FANCA: variants seen among roughly 807,000 people sequenced by gnomAD.
FANCA encodes the protein FA complementation group A.
Under a neutral mutation model 194.3 loss-of-function variants are expected in FANCA, and 236 were observed. The observed-to-expected ratio is 1.21, with a 90% CI of 1.09 to 1.35. FANCA has a LOEUF of 1.35. Ranked by LOEUF, FANCA falls within the 40% of genes most tolerant of loss-of-function variation. The probability of loss-of-function intolerance (pLI) is 0.00; values close to 1 mark genes in which losing one functional copy is unlikely to be tolerated. For missense variants in FANCA, 2,628 were observed against 1,813.9 expected, an observed-to-expected ratio of 1.45 and a Z score of -8.15; for synonymous variants, 1,014 against 715.8, an observed-to-expected ratio of 1.42 and a Z score of -6.65.
At chr16:89,759,744 G>C (rs1035676129) in intron 29 of FANCA, among the ~76,000 whole-genome samples, 4 of 152,220 alleles carry the variant, frequency 2.6e-5, no homozygotes, top group African/African-American at 9.6e-5. Flanking sequence ...CTGGCCAACA[G>C]AGTGAGACCC....
At chr16:89,771,573 T>C in intron 23 of FANCA, 105 bp downstream of exon 23, 1 of 1,355,228 alleles carries the variant, frequency 7.4e-7, no homozygotes. Context: ...CGACACTAAC[T>C]GAGCAAGTCA....
At chr16:89,754,235 CAAAA>C (rs1381951910) in intron 30 of FANCA, among the ~76,000 whole-genome samples, 708 of 144,828 alleles carry the variant, frequency 4.9e-3, no homozygotes, top group Non-Finnish European at 7.6e-3. Context: ...AAAAAAAAAA[CAAAA>C]CAAAACAACA....
At chr16:89,762,708 C>T (rs1309673295) in intron 28 of FANCA, 2 of 444,862 alleles carry the variant, frequency 4.5e-6, no homozygotes, top group Admixed American at 4.8e-5. Flanking sequence ...TCGTAGCTCG[C>T]TGCAGACTCT....
intron 8 of FANCA, among the ~76,000 whole-genome samples, chr16:89,802,830 G>A (rs1006852062): frequency 6.6e-6 from 1 of 152,146 alleles, no homozygotes; most frequent in Admixed American, 6.6e-5. Context: ...ACAAATATGT[G>A]GGAGCTAAAA....
chr16:89,790,129 CGGT>C (rs1473750355), intron 14 of FANCA, among the ~76,000 whole-genome samples: 5 of 152,310 alleles, frequency 3.3e-5, no homozygotes, highest in South Asian at 2.1e-4. Context: ...AGGCTGGGCA[CGGT>C]GGCTCATGCC....
chr16:89,755,552 A>G (rs7195752), intron 30 of FANCA, among the ~76,000 whole-genome samples: 69,224 of 152,052 alleles, frequency 0.46, 17,847 homozygotes, highest in East Asian at 0.76. Context: ...CTAAAGAGCT[A>G]AACTAAAAAT....
At position 89,737,565 on chromosome 16, in the gene FANCA, C is replaced by G; in HGVS notation, c.*1036G>C. ...AATCTGTGGTTAAGGAAATAGCTTT[C>G]TGAGGTTTCTTTAAAAACCATCCTG... On this transcript the variant is annotated 3_prime_UTR_variant, in exon 43 of 43. Coordinates refer to ENST00000389301, the MANE Select transcript of FANCA (RefSeq NM_000135.4). The G allele has an allele frequency of 6.6e-6, 4 of 605,824 alleles. No individual in the cohort carries two copies. The South Asian group carries it at 9.7e-5, about 15-fold the overall frequency. 37.5% of individuals were successfully genotyped at this position (605,824 alleles called of 1,614,324 possible).
intron 20 of FANCA, among the ~76,000 whole-genome samples, chr16:89,778,131 C>CA (rs1294364684): frequency 4.4e-5 from 6 of 134,984 alleles, no homozygotes; most frequent in East Asian, 2.1e-4. Flanking sequence ...CACTGCACTC[C>CA]AGCCTGGGCA....
chr16:89,782,976 T>C (rs781259327), intron 16 of FANCA, 31 bp downstream of exon 16: 13 of 1,611,228 alleles, frequency 8.1e-6, no homozygotes, highest in Non-Finnish European at 1.0e-5. Flanking sequence ...CTGGGACAGG[T>C]GTGAGGAGTG....
intron 14 of FANCA, chr16:89,791,119 G>C (rs999225727): frequency 8.5e-6 from 4 of 472,734 alleles, no homozygotes; most frequent in African/African-American, 8.0e-5. Flanking sequence ...ACAGCAGGAG[G>C]CTCCGTCAAC....
Position 89,739,155 on chromosome 16 carries a change from C to G in FANCA, c.4145G>C (p.Arg1382Thr), listed in dbSNP as rs367970303. 16 of 1,614,160 alleles carry G rather than the reference C, an allele frequency of 9.9e-6. No individual in the cohort carries two copies. The highest frequency in any genetic ancestry group is 1.4e-5 in the Non-Finnish European group (16 of 1,180,038). Reference protein sequence around the residue: ...DTSTVSPPAGRSLELKGQGNP... With the variant: ...DTSTVSPPAGTSLELKGQGNP... The stretch of plus-strand genomic sequence containing the variant: ...TGCCTGACCCTTGAGCTCCAGGCTC[C>G]TGCCAGCTGGAGGTGAAACTGTGCT... The change falls in exon 41 of 43, where the codon AGG becomes ACG. Residue 1382 changes from arginine to threonine, a missense_variant. By Grantham distance (71) the Arg-to-Thr change is moderately conservative. Coordinates refer to ENST00000389301, the MANE Select transcript of FANCA (RefSeq NM_000135.4).
At chr16:89,793,096 T>C (rs1229709973) in intron 11 of FANCA, among the ~76,000 whole-genome samples, 2 of 152,140 alleles carry the variant, frequency 1.3e-5, no homozygotes, top group African/African-American at 2.4e-5. Context: ...TAACTGTGGG[T>C]GAGCCTGACT....
chr16:89,787,722 C>T (rs1156614083), intron 14 of FANCA, among the ~76,000 whole-genome samples: 2 of 151,930 alleles, frequency 1.3e-5, no homozygotes, highest in Non-Finnish European at 2.9e-5. Flanking sequence ...GGAGACAGAA[C>T]AGAGACCTTG....
At chr16:89,789,182 C>A (rs1413787211) in intron 14 of FANCA, among the ~76,000 whole-genome samples, 1 of 151,874 alleles carries the variant, frequency 6.6e-6, no homozygotes, top group Non-Finnish European at 1.5e-5. Context: ...AGCCTGAGGG[C>A]AGGTGAGAAG....
intron 5 of FANCA, 122 bp from the exon 6 acceptor site, chr16:89,808,489 A>C: frequency 1.0e-6 from 1 of 989,678 alleles, no homozygotes; most frequent in Non-Finnish European, 1.5e-6. Context: ...CCGTATTGAA[A>C]ATTAACCTCA....
chr16:89,761,869 C>A, intron 29 of FANCA, 80 bp downstream of exon 29: 1 of 1,135,976 alleles, frequency 8.8e-7, no homozygotes, highest in South Asian at 1.2e-5. Flanking sequence ...CAAGAGATCT[C>A]CTGCCTCAGC....
chr16:89,759,981 G>A (rs1002078082), intron 29 of FANCA, among the ~76,000 whole-genome samples: 3 of 151,498 alleles, frequency 2.0e-5, no homozygotes, highest in Non-Finnish European at 4.4e-5. Flanking sequence ...CTCCACCCAC[G>A]CTGTCCGGGA....
chr16:89,755,764 C>T (rs1317090756), intron 30 of FANCA, among the ~76,000 whole-genome samples: 4 of 152,226 alleles, frequency 2.6e-5, no homozygotes, highest in Non-Finnish European at 5.9e-5. Context: ...AGGATCCATT[C>T]TGAGAAACAC....
Position 89,765,051 on chromosome 16 carries a change from A to G in FANCA, c.2617T>C (p.Phe873Leu), listed in dbSNP as rs1294145809. 2 of 1,614,082 alleles carry G rather than the reference A, an allele frequency of 1.2e-6. No individual in the cohort carries two copies. The highest frequency in any genetic ancestry group is 2.7e-5 in the African/African-American group (2 of 74,950). The change falls in exon 28 of 43, where the codon TTC (phenylalanine) becomes CTC (leucine). Residue 873 changes from phenylalanine (F) to leucine (L), a missense_variant. Transcript: ENST00000389301. ...GLIKKFQFLM[F>L]RLFSEARQPL... is the part of the protein sequence containing the mutation. ...TGTCGGGCCTCTGAGAACAATCTGA[A>G]CATGAGGAACTGAAACTGAAACAGA...
Sources: allele counts gnomAD v4.1 joint callset (sites outside exome capture counted in the v4.1 genomes callset), GRCh38; gene constraint gnomAD v4.1.1; transcripts MANE v1.5; gene names NCBI Gene and HGNC (gene_info 2026-07-23, HGNC 2026-07-21).